Variants in RBM20 observed in about 807,000 individuals in gnomAD.
The protein encoded by RBM20 is RNA binding motif protein 20, also known as RNA-binding protein 20.
A neutral mutation model predicts 110.1 loss-of-function variants in RBM20; 51 were observed. That is an observed-to-expected ratio of 0.46 (90% CI 0.37 to 0.59). The LOEUF (loss-of-function observed/expected upper bound fraction) is 0.59, where lower values mean the gene tolerates loss of function less well. RBM20 is among the 20% of genes least tolerant of loss of function. The pLI, the probability that RBM20 is intolerant of heterozygous loss-of-function variation, is 0.00. For missense variants in RBM20, 1,512 were observed against 1,574.9 expected (o/e 0.96, Z 0.68); for synonymous variants, 589 against 618.2 (o/e 0.95, Z 0.70).
intron 5 of RBM20, among the ~76,000 whole-genome samples, chr10:110,785,573 A>C (rs913797237): frequency 1.3e-5 from 2 of 152,160 alleles, no homozygotes; most frequent in African/African-American, 4.8e-5. Flanking sequence ...ACAAACAAAA[A>C]AACCATTTTC....
At chr10:110,749,672 G>A (rs1427697723) in intron 1 of RBM20, among the ~76,000 whole-genome samples, 1 of 151,956 alleles carries the variant, frequency 6.6e-6, no homozygotes, top group African/African-American at 2.4e-5. Context: ...GGTCAAGAAA[G>A]CAAATGAAAG....
At chr10:110,654,827 T>C (rs1276025853) in intron 1 of RBM20, among the ~76,000 whole-genome samples, 1 of 152,208 alleles carries the variant, frequency 6.6e-6, no homozygotes, top group Non-Finnish European at 1.5e-5. Context: ...ATCAGTGTTC[T>C]TATCTGTTAA....
In RBM20 at chr10:110,810,384, A is replaced by T; in HGVS notation, c.1802A>T (p.Lys601Ile). The T allele has an allele frequency of 6.4e-7, 1 of 1,551,294 alleles. No homozygotes were observed. Among genetic ancestry groups the T allele is most frequent in the Non-Finnish European group, 8.7e-7 (1 of 1,146,668 alleles). Residue 601 changes from lysine (K) to isoleucine (I), a missense_variant and splice_region_variant, in exon 8 of 14, where the codon AAA becomes ATA. Transcript: ENST00000369519. ...SKRYKELQLK[K>I]PGKAVAAIIQ... ...TGGTGATCTCTCTGACTTTGCTAGA[A>T]ACCCGGGAAGGCCGTGGCTGCCATC... is the stretch of plus-strand genomic sequence containing the variant.
At position 110,746,486 on chromosome 10, in the gene RBM20, G is replaced by T. The variant is rs544708780; in HGVS notation, c.192-34315G>T. On this transcript the variant is annotated intron_variant, in intron 1 of 13. Coordinates refer to ENST00000369519, the MANE Select transcript of RBM20 (RefSeq NM_001134363.3). ...AATAGATTTAAAAGGTTGCTCAACTGGTAAGACCCACAAATGGAGAGCTGC... is the reference window on the plus strand; with the variant it reads ...AATAGATTTAAAAGGTTGCTCAACTTGTAAGACCCACAAATGGAGAGCTGC... Among the ~76,000 whole-genome samples the T allele has an allele frequency of 1.7e-3, 265 of 152,300 alleles. 3 individuals carry two copies. Among genetic ancestry groups the T allele is most frequent in the African/African-American group, 5.1e-3 (211 of 41,564 alleles).
rs539779647 is a variant in RBM20 at position 110,795,175 on chromosome 10, G to A, written c.1528-2333G>A. ...CTCAGAGGACCAGCCACTCTACCCT[G>A]CTTGAAAGCTCAGCTGTGTCTGCAT... On this transcript the variant is annotated intron_variant, in intron 5 of 13. Transcript: ENST00000369519. Among the ~76,000 whole-genome samples, 24 of 152,360 alleles carry A rather than the reference G, an allele frequency of 1.6e-4. No individual in the cohort carries two copies. In the South Asian group the frequency reaches 5.0e-3, roughly 32 times the overall value.
intron 1 of RBM20, among the ~76,000 whole-genome samples, chr10:110,772,874 C>A (rs1466155761): frequency 6.6e-6 from 1 of 152,218 alleles, no homozygotes; most frequent in African/African-American, 2.4e-5. Flanking sequence ...GTGGAACAGA[C>A]ATTACGATCT....
chr10:110,697,083 A>G (rs533348323), intron 1 of RBM20, among the ~76,000 whole-genome samples: 1 of 152,356 alleles, frequency 6.6e-6, no homozygotes, highest in South Asian at 2.1e-4. Context: ...AAGATGGCTC[A>G]GGCTTGATAT....
intron 13 of RBM20, among the ~76,000 whole-genome samples, chr10:110,832,762 G>C (rs4294509): frequency 0.97 from 147,851 of 152,294 alleles, 71,901 homozygotes; most frequent in Middle Eastern, 1. Flanking sequence ...GTGCAGAGAA[G>C]TATCATAGGC....
chr10:110,653,132 A>C (rs1412696251), intron 1 of RBM20, among the ~76,000 whole-genome samples: 1 of 152,224 alleles, frequency 6.6e-6, no homozygotes, highest in African/African-American at 2.4e-5. Context: ...AACACCTTCA[A>C]GCTGTGGTTT....
chr10:110,767,956 A>T (rs11195316), intron 1 of RBM20, among the ~76,000 whole-genome samples: 60,852 of 152,168 alleles, frequency 0.4, 12,310 homozygotes, highest in East Asian at 0.46. Flanking sequence ...CACTGAGTGA[A>T]CCAGACTCCG....
At chr10:110,816,463 G>A (rs992492411) in intron 9 of RBM20, among the ~76,000 whole-genome samples, 5 of 145,160 alleles carry the variant, frequency 3.4e-5, no homozygotes, top group East Asian at 2.0e-4. Flanking sequence ...CCTCCCTCTC[G>A]TCACTGCAGA....
intron 1 of RBM20, among the ~76,000 whole-genome samples, chr10:110,709,032 T>C (rs535412016): frequency 2.8e-4 from 42 of 152,048 alleles, no homozygotes; most frequent in African/African-American, 9.9e-4. Flanking sequence ...TCTTTGTTTC[T>C]CATTTCTTTT....
chr10:110,681,739 G>A (rs897413949), intron 1 of RBM20, among the ~76,000 whole-genome samples: 11 of 152,192 alleles, frequency 7.2e-5, no homozygotes, highest in Non-Finnish European at 1.0e-4. Context: ...TGCACCTAGC[G>A]TTAACATCTT....
upstream of RBM20, among the ~76,000 whole-genome samples, chr10:110,644,108 G>A (rs369130127): frequency 2.6e-5 from 4 of 152,156 alleles, no homozygotes; most frequent in African/African-American, 9.7e-5. The surrounding 1 kb of genome is among the most constrained non-coding windows in gnomAD (Gnocchi z 4.3). Flanking sequence ...GCACTGTGGC[G>A]GGTGGCGTAC....
At position 110,821,959 on chromosome 10, in the gene RBM20, G is replaced by T. The variant is rs773481466; in HGVS notation, c.3316+24G>T. On this transcript the variant is annotated intron_variant, in intron 11 of 13. Transcript: ENST00000369519. ...GGGTAACTATCTCCCCTTTCCTCAC[G>T]GGTGGTCGGGTTGATTGGACTCCTG... is the stretch of plus-strand genomic sequence containing the variant. 1.4e-5 allele frequency: 22 copies of T among 1,550,462 alleles called. 1 individual carries two copies. Among genetic ancestry groups the T allele is most frequent in the African/African-American group, 1.1e-4 (8 of 73,128 alleles).
Position 110,784,764 on chromosome 10 carries a change from C to T in RBM20, c.1430-28C>T, listed in dbSNP as rs945062191. 8 of 1,441,066 alleles carry T rather than the reference C, an allele frequency of 5.6e-6. No homozygotes were observed. In the East Asian group the frequency reaches 9.9e-5, roughly 18 times the overall value. The allele number at this position is 1,441,066 out of a possible 1,614,324, so 89.3% of individuals were successfully genotyped here. A position where few individuals can be genotyped will look rare whatever the true frequency, so the allele number is the denominator to read the frequency against. ...CTTTTGATGTTACATTCTGGGTTTT[C>T]ACTGACTTTGTGTAATTCATCATTT... On this transcript the variant is annotated intron_variant, in intron 4 of 13. Coordinates refer to ENST00000369519, the MANE Select transcript of RBM20 (RefSeq NM_001134363.3).
chr10:110,645,712 A>T (rs893406668), intron 1 of RBM20, among the ~76,000 whole-genome samples: 9 of 152,226 alleles, frequency 5.9e-5, no homozygotes, highest in Non-Finnish European at 8.8e-5. Context: ...GATTTATCTA[A>T]TAGAAAGAAT....
intron 5 of RBM20, 86 bp downstream of exon 5, chr10:110,784,975 G>A: frequency 1.2e-6 from 1 of 834,818 alleles, no homozygotes. Context: ...CAGCCAGGCT[G>A]GAATGCAATG....
intron 7 of RBM20, among the ~76,000 whole-genome samples, chr10:110,807,133 T>C (rs561978197): frequency 6.6e-6 from 1 of 152,318 alleles, no homozygotes; most frequent in South Asian, 2.1e-4. Flanking sequence ...TGCAGCCACA[T>C]CCTTCCATCT....
Sources: allele counts gnomAD v4.1 joint callset (sites outside exome capture counted in the v4.1 genomes callset), GRCh38; gene constraint gnomAD v4.1.1; non-coding constraint Gnocchi (gnomAD v3.1); transcripts MANE v1.5; gene names NCBI Gene and HGNC (gene_info 2026-07-23, HGNC 2026-07-21).